RBMS3: variants seen among roughly 807,000 people sequenced by gnomAD.
RBMS3 encodes the protein RNA binding motif single stranded interacting protein 3.
Under a neutral mutation model 66.8 loss-of-function variants are expected in RBMS3, and 27 were observed. That is an observed-to-expected ratio of 0.40 (90% confidence interval 0.30 to 0.56). The LOEUF (loss-of-function observed/expected upper bound fraction) is 0.56, where lower values mean the gene tolerates loss of function less well. Among genes scored for constraint, RBMS3 ranks in the 20% least tolerant of loss-of-function variants. RBMS3 has a pLI of 0.40. For missense variants in RBMS3, 513 were observed against 549.5 expected, an observed-to-expected ratio of 0.93 and a Z score of 0.66; for synonymous variants, 188 against 183.0, an observed-to-expected ratio of 1.03 and a Z score of -0.22.
intron 4 of RBMS3, among the ~76,000 whole-genome samples, chr3:29,715,348 A>G (rs1379542786): frequency 6.6e-6 from 1 of 152,102 alleles, no homozygotes; most frequent in African/African-American, 2.4e-5. Context: ...GAGATTAGAG[A>G]GACTTAGAAA....
chr3:29,324,563 T>C (rs959622552), intron 1 of RBMS3, among the ~76,000 whole-genome samples: 7 of 152,006 alleles, frequency 4.6e-5, no homozygotes, highest in African/African-American at 1.7e-4. Context: ...TCTGTCCTGC[T>C]GGAGTGGGTA....
intron 14 of RBMS3, among the ~76,000 whole-genome samples, chr3:29,996,657 C>A (rs1699262891): frequency 6.6e-6 from 1 of 151,748 alleles, no homozygotes; most frequent in Non-Finnish European, 1.5e-5. Flanking sequence ...ACAACCTGCT[C>A]CTGAATGACT....
At chr3:29,852,782 C>T (rs570949213) in intron 6 of RBMS3, among the ~76,000 whole-genome samples, 1 of 152,258 alleles carries the variant, frequency 6.6e-6, no homozygotes, top group South Asian at 2.1e-4. Context: ...ATAGAAATAC[C>T]ATTCAACCCA....
At chr3:29,739,361 C>G (rs2054526300) in intron 4 of RBMS3, among the ~76,000 whole-genome samples, 1 of 149,084 alleles carries the variant, frequency 6.7e-6, no homozygotes, top group Non-Finnish European at 1.5e-5. Flanking sequence ...GAGGCTGAAG[C>G]AGGAGAATGG....
intron 6 of RBMS3, among the ~76,000 whole-genome samples, chr3:29,792,324 T>C (rs1185015164): frequency 6.6e-6 from 1 of 152,202 alleles, no homozygotes; most frequent in Non-Finnish European, 1.5e-5. Flanking sequence ...AAACTGCATT[T>C]CACCTCCTAG....
At chr3:29,312,078 T>A (rs1396177806) in intron 1 of RBMS3, among the ~76,000 whole-genome samples, 1 of 151,808 alleles carries the variant, frequency 6.6e-6, no homozygotes, top group Non-Finnish European at 1.5e-5. Context: ...TAACGCTGGT[T>A]AGTATACTAA....
chr3:29,547,572 T>C (rs1212028937), intron 3 of RBMS3, among the ~76,000 whole-genome samples: 33 of 152,078 alleles, frequency 2.2e-4, no homozygotes, highest in Admixed American at 2.2e-3. Context: ...TTATTTATAT[T>C]TAATTTTTTC....
At chr3:29,600,877 T>G in intron 4 of RBMS3, among the ~76,000 whole-genome samples, 1 of 152,076 alleles carries the variant, frequency 6.6e-6, no homozygotes, top group East Asian at 1.9e-4. Context: ...TCCACCTCTC[T>G]AGAATGAACA....
chr3:29,332,644 T>G (rs1202787977), intron 1 of RBMS3, among the ~76,000 whole-genome samples: 22 of 152,102 alleles, frequency 1.4e-4, no homozygotes, highest in Admixed American at 1.4e-3. Flanking sequence ...ACTCGAAACA[T>G]CCAGTTATAC....
rs565752215 is a variant in RBMS3 at position 29,285,742 on chromosome 3, C to T, written c.75+3986C>T. Among the ~76,000 whole-genome samples the T allele has an allele frequency of 4.6e-5, 7 of 152,232 alleles. 1 individual carries two copies. The highest frequency in any genetic ancestry group is 4.6e-4 in the Admixed American group (7 of 15,278). Reference sequence around the variant, plus strand: ...GAATATTCAACCATCTGCAGCCACCCGTCTCTAAAAGTCTAGCTGAAGCAC... The same window carrying T: ...GAATATTCAACCATCTGCAGCCACCTGTCTCTAAAAGTCTAGCTGAAGCAC... On this transcript the variant is annotated intron_variant, in intron 1 of 14. Transcript: ENST00000383767.
chr3:29,902,629 T>C (rs2060283408), intron 10 of RBMS3, among the ~76,000 whole-genome samples: 1 of 151,940 alleles, frequency 6.6e-6, no homozygotes, highest in Non-Finnish European at 1.5e-5. Context: ...GGTGTCAAAA[T>C]CTATGTCTCA....
intron 1 of RBMS3, among the ~76,000 whole-genome samples, chr3:29,427,191 C>A (rs918961716): frequency 3.3e-5 from 5 of 152,202 alleles, no homozygotes; most frequent in African/African-American, 9.6e-5. Flanking sequence ...TTTCACCAAA[C>A]TGTTACAAAA....
intron 1 of RBMS3, among the ~76,000 whole-genome samples, chr3:29,389,934 A>G (rs4387928): frequency 0.47 from 71,365 of 151,946 alleles, 18,316 homozygotes; most frequent in African/African-American, 0.67. Flanking sequence ...GTGGGTGGAA[A>G]AAAGGGTAAG....
intron 12 of RBMS3, among the ~76,000 whole-genome samples, chr3:29,956,753 C>T (rs1696073584): frequency 6.6e-6 from 1 of 152,090 alleles, no homozygotes; most frequent in Admixed American, 6.6e-5. Context: ...GCCTTCTTTC[C>T]ATTCAATTCA....
intron 4 of RBMS3, among the ~76,000 whole-genome samples, chr3:29,720,696 CTGTGTG>C (rs201802434): frequency 2.0e-5 from 3 of 147,498 alleles, no homozygotes; most frequent in Non-Finnish European, 4.5e-5. Context: ...CTGTAAGAAT[CTGTGTG>C]TGTGTGTGTG....
intron 12 of RBMS3, among the ~76,000 whole-genome samples, chr3:29,957,383 C>T (rs1358107305): frequency 6.6e-6 from 1 of 152,238 alleles, no homozygotes; most frequent in Admixed American, 6.5e-5. Flanking sequence ...TCGTTAGACA[C>T]ACATTCTACA....
intron 6 of RBMS3, among the ~76,000 whole-genome samples, chr3:29,801,194 A>G (rs1470432513): frequency 6.6e-5 from 10 of 152,132 alleles, no homozygotes; most frequent in Non-Finnish European, 8.8e-5. Context: ...AATGGGGGTC[A>G]GTTCCAGGTT....
chr3:29,727,376 C>T (rs2053929825), intron 4 of RBMS3, among the ~76,000 whole-genome samples: 1 of 152,060 alleles, frequency 6.6e-6, no homozygotes, highest in South Asian at 2.1e-4. Flanking sequence ...TGGATCAAAT[C>T]AAACTAAAGA....
intron 6 of RBMS3, among the ~76,000 whole-genome samples, chr3:29,780,590 T>A (rs2056596614): frequency 6.6e-6 from 1 of 152,184 alleles, no homozygotes; most frequent in South Asian, 2.1e-4. Flanking sequence ...CTCTTTAGTA[T>A]ATTTGGTATC....
Sources: allele counts gnomAD v4.1 joint callset (sites outside exome capture counted in the v4.1 genomes callset), GRCh38; gene constraint gnomAD v4.1.1; transcripts MANE v1.5; gene names NCBI Gene and HGNC (gene_info 2026-07-23, HGNC 2026-07-21).